Variants in STPG2 observed in about 807,000 individuals in gnomAD.
STPG2 encodes the protein sperm tail PG-rich repeat containing 2.
A neutral mutation model predicts 54.2 loss-of-function variants in STPG2; 56 were observed. The observed-to-expected ratio is 1.03, with a 90% confidence interval of 0.83 to 1.29. The LOEUF is 1.29. Ranked by LOEUF, STPG2 falls within the 50% of genes most tolerant of loss-of-function variation. The probability of loss-of-function intolerance (pLI) is 0.00; values close to 1 mark genes in which losing one functional copy is unlikely to be tolerated. For missense variants in STPG2, 596 were observed against 544.9 expected (o/e 1.09, Z -0.93); for synonymous variants, 200 against 181.8 (o/e 1.10, Z -0.81).
At chr4:97,492,538 C>T (rs1476971410) in intron 4 of STPG2, among the ~76,000 whole-genome samples, 2 of 151,416 alleles carry the variant, frequency 1.3e-5, no homozygotes, top group Admixed American at 1.3e-4. Flanking sequence ...TGGATTGCAT[C>T]AGCTTGGCTA....
intron 7 of STPG2, among the ~76,000 whole-genome samples, chr4:97,955,109 A>C (rs1168643039): frequency 6.6e-6 from 1 of 152,216 alleles, no homozygotes; most frequent in Non-Finnish European, 1.5e-5. Flanking sequence ...AGATTGATTT[A>C]ATGGTAGTTG....
At chr4:97,674,902 C>CCCTCTA (rs1165368778) in intron 10 of STPG2, among the ~76,000 whole-genome samples, 1 of 152,136 alleles carries the variant, frequency 6.6e-6, no homozygotes, top group Non-Finnish European at 1.5e-5. Context: ...TTTAGTTCTA[C>CCCTCTA]CCTCTACAGT....
At chr4:97,605,539 C>A (rs951697145) in intron 10 of STPG2, among the ~76,000 whole-genome samples, 5 of 151,524 alleles carry the variant, frequency 3.3e-5, no homozygotes, top group African/African-American at 1.2e-4. Flanking sequence ...AAATATGTTG[C>A]CACTTATTAT....
intron 5 of STPG2, among the ~76,000 whole-genome samples, chr4:98,088,072 T>G (rs783939): frequency 0.85 from 129,977 of 152,096 alleles, 55,674 homozygotes; most frequent in Middle Eastern, 0.97. Context: ...GACAAGAAAG[T>G]GAGCATTCAA....
At chr4:97,598,030 T>C (rs1733345680) in intron 10 of STPG2, among the ~76,000 whole-genome samples, 1 of 151,818 alleles carries the variant, frequency 6.6e-6, no homozygotes, top group African/African-American at 2.4e-5. Context: ...AAAAAAAAAC[T>C]TCAGCAGAAT....
chr4:97,660,425 A>T (rs1472095801), intron 10 of STPG2, among the ~76,000 whole-genome samples: 1 of 152,228 alleles, frequency 6.6e-6, no homozygotes, highest in Non-Finnish European at 1.5e-5. Context: ...GCTTCATCAC[A>T]TACAATGACT....
chr4:98,127,186 T>C (rs997360815), intron 3 of STPG2, among the ~76,000 whole-genome samples: 8 of 140,512 alleles, frequency 5.7e-5, no homozygotes, highest in Admixed American at 4.9e-4. Context: ...GGGGCAAACA[T>C]CGTAATAACA....
At chr4:97,468,752 T>G (rs1223400235) in intron 4 of STPG2, among the ~76,000 whole-genome samples, 1 of 152,102 alleles carries the variant, frequency 6.6e-6, no homozygotes, top group Non-Finnish European at 1.5e-5. Flanking sequence ...TACTATTTCC[T>G]TCTCCTTAGG....
intron 5 of STPG2, among the ~76,000 whole-genome samples, chr4:98,022,638 A>C (rs7659000): frequency 6.6e-6 from 1 of 151,330 alleles, no homozygotes; most frequent in African/African-American, 2.4e-5. Flanking sequence ...CATTTTCCCC[A>C]TCACTTTCAG....
intron 8 of STPG2, among the ~76,000 whole-genome samples, chr4:97,920,174 T>A (rs1400136782): frequency 6.6e-6 from 1 of 152,200 alleles, no homozygotes; most frequent in Non-Finnish European, 1.5e-5. Flanking sequence ...ACAGGCTTTG[T>A]ATCAGACATC....
In STPG2 at chr4:97,604,524, G is replaced by C. The variant is rs527674529; in HGVS notation, c.1321-45407C>G. On this transcript the variant is annotated intron_variant, in intron 10 of 10. Transcript: ENST00000295268. ...GCCCCTCTTGAGCAATTATTTGACT[G>C]AGAGTCAAAATATCATCTGAATGAG... Among the ~76,000 whole-genome samples the C allele has an allele frequency of 4.1e-3, 624 of 151,738 alleles. 3 individuals carry two copies. The highest frequency in any genetic ancestry group is 0.02 in the South Asian group (97 of 4,814).
intron 9 of STPG2, among the ~76,000 whole-genome samples, chr4:97,735,466 G>T (rs1421905727): frequency 6.6e-6 from 1 of 151,238 alleles, no homozygotes; most frequent in Non-Finnish European, 1.5e-5. Flanking sequence ...CTATTCAGGT[G>T]ACAGATGCAG....
chr4:98,080,861 C>A (rs1738323626), intron 5 of STPG2, among the ~76,000 whole-genome samples: 2 of 152,088 alleles, frequency 1.3e-5, no homozygotes, highest in African/African-American at 2.4e-5. Context: ...TTATGTTTAC[C>A]AACCAATTAT....
chr4:98,128,234 T>C (rs1739883257), intron 3 of STPG2, among the ~76,000 whole-genome samples, 194 bp downstream of exon 3: 1 of 152,190 alleles, frequency 6.6e-6, no homozygotes, highest in Admixed American at 6.5e-5. Flanking sequence ...AGAATGTCCA[T>C]GTGAATGAGG....
intron 9 of STPG2, among the ~76,000 whole-genome samples, chr4:97,826,138 A>G (rs1193125061): frequency 6.6e-6 from 1 of 152,176 alleles, no homozygotes; most frequent in African/African-American, 2.4e-5. Context: ...CATAATTACA[A>G]TCACTTATTA....
At chr4:98,015,575 T>C (rs1735916598) in intron 5 of STPG2, among the ~76,000 whole-genome samples, 1 of 152,134 alleles carries the variant, frequency 6.6e-6, no homozygotes, top group South Asian at 2.1e-4. Context: ...CTGGAGAGGA[T>C]GTGGAGAAAT....
Position 98,143,304 on chromosome 4 carries a change from TC to T in STPG2, c.-155del. Reference sequence around the variant, plus strand: ...CAGGGAAATTAGGGGTGGGGTTGTCTCCCCGCCCGCTCATTGATACCAGATT... The same window carrying T: ...CAGGGAAATTAGGGGTGGGGTTGTCTCCCGCCCGCTCATTGATACCAGATT... On this transcript the variant is annotated 5_prime_UTR_variant, in exon 1 of 11. The change abolishes the stop of an existing upstream ORF in the 5' untranslated region. Transcript: ENST00000295268. 1 of 599,414 alleles carries T rather than the reference TC, an allele frequency of 1.7e-6. No individual in the cohort carries two copies. The highest frequency in any genetic ancestry group is 3.0e-6 in the Non-Finnish European group (1 of 337,094). The allele number at this position is 599,414 out of a possible 1,614,324, so 37.1% of individuals were successfully genotyped here.
chr4:97,983,331 T>A (rs1393111180), intron 5 of STPG2, among the ~76,000 whole-genome samples: 1 of 152,348 alleles, frequency 6.6e-6, no homozygotes, highest in Middle Eastern at 3.4e-3. Flanking sequence ...TATTTGACTA[T>A]GTTATTGGTA....
At chr4:98,095,269 C>G (rs1738819546) in intron 5 of STPG2, among the ~76,000 whole-genome samples, 2 of 151,958 alleles carry the variant, frequency 1.3e-5, no homozygotes, top group African/African-American at 4.8e-5. Flanking sequence ...AAGAGAAGAC[C>G]ACAAAACAAC....
Sources: allele counts gnomAD v4.1 joint callset (sites outside exome capture counted in the v4.1 genomes callset), GRCh38; gene constraint gnomAD v4.1.1; transcripts MANE v1.5; gene names NCBI Gene and HGNC (gene_info 2026-07-23, HGNC 2026-07-21).